UNC13B: variants seen among roughly 807,000 people sequenced by gnomAD.
UNC13B encodes unc-13 homolog B, also known as protein unc-13 homolog B.
UNC13B carries 144 observed loss-of-function variants against 211.0 expected under a neutral mutation model. The observed-to-expected ratio is 0.68, with a 90% CI of 0.60 to 0.78. The LOEUF is 0.78. Among genes scored for constraint, UNC13B ranks in the 30% least tolerant of loss-of-function variants. The probability of loss-of-function intolerance (pLI) is 0.00; values close to 1 mark genes in which losing one functional copy is unlikely to be tolerated. For missense variants in UNC13B, 1,777 were observed against 2,002.0 expected (o/e 0.89, Z 2.14); for synonymous variants, 709 against 725.8 (o/e 0.98, Z 0.37).
At chr9:35,356,809 T>C (rs1833052012) in intron 11 of UNC13B, among the ~76,000 whole-genome samples, 1 of 152,192 alleles carries the variant, frequency 6.6e-6, no homozygotes, top group Non-Finnish European at 1.5e-5. Context: ...TTAATTTACT[T>C]CCTGTTTCTA....
intron 7 of UNC13B, among the ~76,000 whole-genome samples, chr9:35,281,118 C>T (rs958753529): frequency 7.2e-5 from 11 of 151,802 alleles, no homozygotes; most frequent in Non-Finnish European, 1.5e-4. Context: ...GGCGTGGTGG[C>T]ATGCGCCTGT....
chr9:35,219,266 C>T (rs890018764), intron 1 of UNC13B, among the ~76,000 whole-genome samples: 1 of 152,086 alleles, frequency 6.6e-6, no homozygotes, highest in African/African-American at 2.4e-5. Context: ...GGGGTCCCTT[C>T]TTTGGTCCTT....
At chr9:35,271,024 A>G (rs1232574665) in intron 7 of UNC13B, among the ~76,000 whole-genome samples, 1 of 151,684 alleles carries the variant, frequency 6.6e-6, no homozygotes, top group East Asian at 1.9e-4. Flanking sequence ...CTGTAGTCTC[A>G]GCTACTCAGG....
At chr9:35,255,490 A>T (rs1341706451) in intron 6 of UNC13B, among the ~76,000 whole-genome samples, 1 of 152,122 alleles carries the variant, frequency 6.6e-6, no homozygotes, top group African/African-American at 2.4e-5. Context: ...ATTATTACTC[A>T]AATCAGTCTC....
At position 35,364,088 on chromosome 9, in the gene UNC13B, G is replaced by A. The variant is rs931034042; in HGVS notation, c.9415-2859G>A. Among the ~76,000 whole-genome samples the A allele has an allele frequency of 3.3e-5, 5 of 152,304 alleles. No individual in the cohort carries two copies. In the East Asian group the frequency reaches 7.7e-4, roughly 24 times the overall value. On this transcript the variant is annotated intron_variant, in intron 11 of 39. Coordinates refer to ENST00000635942, the MANE Select transcript of UNC13B (RefSeq NM_001371189.2). ...AAATGGAAAAGGCTCAGTCACCAGG[G>A]CCTTTGGAGTTTGAGGACTTATACC...
chr9:35,309,194 A>C (rs1830064540), intron 9 of UNC13B, among the ~76,000 whole-genome samples: 1 of 150,736 alleles, frequency 6.6e-6, no homozygotes, highest in African/African-American at 2.4e-5. Context: ...CTCTGGCCCA[A>C]ACTTGTTCAA....
intron 23 of UNC13B, 40 bp downstream of exon 23, chr9:35,385,853 G>T: frequency 1.3e-6 from 2 of 1,583,776 alleles, no homozygotes; most frequent in South Asian, 2.3e-5. Context: ...CTGGGCTGGA[G>T]ACCTGGCTAC....
At chr9:35,216,639 C>T (rs986954932) in intron 1 of UNC13B, among the ~76,000 whole-genome samples, 8 of 152,130 alleles carry the variant, frequency 5.3e-5, no homozygotes, top group African/African-American at 7.2e-5. Flanking sequence ...TCCTCCCCTT[C>T]GCTAACTCCT....
chr9:35,364,574 C>T (rs1177714721), intron 11 of UNC13B: 1 of 1,535,980 alleles, frequency 6.5e-7, no homozygotes, highest in Admixed American at 2.0e-5. Context: ...TCAGGTTGTG[C>T]CTATGACCCT....
At chr9:35,329,411 C>T (rs1292609265) in intron 11 of UNC13B, among the ~76,000 whole-genome samples, 1 of 152,116 alleles carries the variant, frequency 6.6e-6, no homozygotes, top group Admixed American at 6.5e-5. Flanking sequence ...TGGCCATTGA[C>T]AAGCCAAGGA....
chr9:35,403,754 G>A lies in UNC13B; in HGVS notation c.12744G>A (p.Leu4248=). ...PKYNETFHFL[L]GNEEGPESYE... The stretch of plus-strand genomic sequence containing the variant: ...TTCTATCTTGTGCTCACAGCCTCCT[G>A]GGAAATGAGGAGGGGCCCGAGTCCT... The change falls in exon 40 of 40, where the codon CTG becomes CTA. Residue 4248 remains leucine, a synonymous_variant. Coordinates refer to ENST00000635942, the MANE Select transcript of UNC13B (RefSeq NM_001371189.2). The A allele has an allele frequency of 6.2e-7, 1 of 1,614,064 alleles. No homozygotes were observed. Among genetic ancestry groups the A allele is most frequent in the South Asian group, 1.1e-5 (1 of 91,078 alleles).
chr9:35,181,059 C>T (rs1821912575), intron 1 of UNC13B, among the ~76,000 whole-genome samples: 1 of 152,118 alleles, frequency 6.6e-6, no homozygotes, highest in Admixed American at 6.5e-5. Flanking sequence ...GATCACACCT[C>T]TGCACTCCAG....
At chr9:35,225,546 C>CT (rs1172055596) in intron 1 of UNC13B, among the ~76,000 whole-genome samples, 1 of 151,286 alleles carries the variant, frequency 6.6e-6, no homozygotes, top group Non-Finnish European at 1.5e-5. Flanking sequence ...TAGGGAAAGA[C>CT]TTTTTTTCTG....
intron 1 of UNC13B, among the ~76,000 whole-genome samples, chr9:35,189,738 C>A (rs11787587): frequency 3.3e-5 from 5 of 152,150 alleles, no homozygotes; most frequent in African/African-American, 4.8e-5. Flanking sequence ...GGCGTGATCC[C>A]GGCTCACCGC....
chr9:35,228,410 A>G (rs1487576681), intron 2 of UNC13B, among the ~76,000 whole-genome samples: 1 of 151,990 alleles, frequency 6.6e-6, no homozygotes, highest in African/African-American at 2.4e-5. Flanking sequence ...ATAGGTATAC[A>G]TGTGCCATGT....
chr9:35,401,295 G>A (rs1755950544), intron 37 of UNC13B, among the ~76,000 whole-genome samples: 1 of 152,194 alleles, frequency 6.6e-6, no homozygotes, highest in African/African-American at 2.4e-5. Flanking sequence ...TAAGCAGGTA[G>A]ACTGGTGATG....
chr9:35,378,477 A>T (rs763399851), intron 17 of UNC13B, 41 bp downstream of exon 17: 23 of 1,611,934 alleles, frequency 1.4e-5, no homozygotes, highest in Admixed American at 1.0e-4. Context: ...GACTGTGTGT[A>T]TTGGGGGAGC....
chr9:35,315,528 A>G (rs1830406126), intron 11 of UNC13B, among the ~76,000 whole-genome samples: 1 of 151,974 alleles, frequency 6.6e-6, no homozygotes, highest in African/African-American at 2.4e-5. Flanking sequence ...CATTTGAGAG[A>G]AAATTGGAGA....
At position 35,306,384 on chromosome 9, in the gene UNC13B, T is replaced by C; in HGVS notation, c.6980T>C (p.Leu2327Ser). ...GTSVDFQMNE[L>S]QKDIIPPSPE... ...TCAGTGGATTTCCAGATGAATGAAT[T>C]GCAAAAAGACATTATTCCTCCTTCA... The change falls in exon 9 of 40, where the codon TTG becomes TCG. Residue 2327 changes from leucine (L) to serine (S), a missense_variant. Transcript: ENST00000635942. 1 of 398,966 alleles carries C rather than the reference T, an allele frequency of 2.5e-6. No individual in the cohort carries two copies. The highest frequency in any genetic ancestry group is 4.4e-6 in the Non-Finnish European group (1 of 226,038). The allele number at this position is 398,966 out of a possible 1,614,324, so 24.7% of individuals were successfully genotyped here. A position where few individuals can be genotyped will look rare whatever the true frequency, so the allele number is the denominator to read the frequency against.
Sources: gnomAD v4.1 joint callset for allele counts (sites outside exome capture counted in the v4.1 genomes callset) on GRCh38, gnomAD v4.1.1 for gene constraint, MANE v1.5 for transcripts, NCBI Gene and HGNC (gene_info 2026-07-23, HGNC 2026-07-21) for gene names.